The following ARHGAP10 variants were observed in gnomAD, a reference collection of about 807,000 sequenced individuals.
The protein encoded by ARHGAP10 is rho GTPase-activating protein 10.
A neutral mutation model predicts 108.6 loss-of-function variants in ARHGAP10; 87 were observed. That is an observed-to-expected ratio of 0.80 (90% CI 0.67 to 0.96). The LOEUF (loss-of-function observed/expected upper bound fraction) is 0.96, where lower values mean the gene tolerates loss of function less well. ARHGAP10 is among the 40% of genes least tolerant of loss of function. The pLI is 0.00. For synonymous variants in ARHGAP10, 347 were observed against 341.1 expected (o/e 1.02, Z -0.19); for missense variants, 939 against 954.5 (o/e 0.98, Z 0.21).
intron 1 of ARHGAP10, among the ~76,000 whole-genome samples, chr4:147,790,084 C>T (rs1262585287): frequency 6.8e-6 from 1 of 147,772 alleles, no homozygotes; most frequent in African/African-American, 2.5e-5. Flanking sequence ...CAACAACAGA[C>T]ATTTAGTTCT....
At chr4:148,002,018 T>A (rs1740743035) in intron 18 of ARHGAP10, among the ~76,000 whole-genome samples, 2 of 152,190 alleles carry the variant, frequency 1.3e-5, no homozygotes, top group Admixed American at 6.5e-5. Context: ...GCTTCCAGTT[T>A]TTGCCCATTC....
chr4:147,766,776 A>G (rs1327261239), intron 1 of ARHGAP10, among the ~76,000 whole-genome samples: 5 of 141,126 alleles, frequency 3.5e-5, no homozygotes, highest in Admixed American at 2.1e-4. Flanking sequence ...TTTTGAGCTC[A>G]TATATATTCA....
intron 19 of ARHGAP10, among the ~76,000 whole-genome samples, chr4:148,027,689 T>C (rs1249533353): frequency 6.6e-6 from 1 of 152,096 alleles, no homozygotes; most frequent in Non-Finnish European, 1.5e-5. Flanking sequence ...AATTAGAACT[T>C]TGAATAATTA....
chr4:147,815,168 C>A (rs781303639), intron 1 of ARHGAP10, among the ~76,000 whole-genome samples: 1 of 152,166 alleles, frequency 6.6e-6, no homozygotes, highest in Non-Finnish European at 1.5e-5. Context: ...ACCCTGCTGC[C>A]GCCCTTGTCC....
At chr4:147,927,865 C>T (rs1019073578) in intron 13 of ARHGAP10, among the ~76,000 whole-genome samples, 7 of 152,192 alleles carry the variant, frequency 4.6e-5, no homozygotes, top group Non-Finnish European at 8.8e-5. Context: ...GTATTAGATA[C>T]TGGGATCGGG....
At chr4:147,822,353 TA>T (rs1334959853) in intron 1 of ARHGAP10, among the ~76,000 whole-genome samples, 4 of 152,224 alleles carry the variant, frequency 2.6e-5, no homozygotes, top group African/African-American at 9.6e-5. Context: ...ATCAAGCCAC[TA>T]TCAGGTGTGT....
chr4:147,982,365 C>CT (rs70958599), intron 18 of ARHGAP10, among the ~76,000 whole-genome samples: 8,799 of 124,590 alleles, frequency 0.071, 981 homozygotes, highest in African/African-American at 0.24. Flanking sequence ...TTCTTTCTTT[C>CT]TTTTTTTTTT....
At chr4:147,836,661 C>A (rs1364715756) in intron 3 of ARHGAP10, among the ~76,000 whole-genome samples, 2 of 151,998 alleles carry the variant, frequency 1.3e-5, no homozygotes, top group South Asian at 4.1e-4. Flanking sequence ...AATCTAAGTA[C>A]CAAGTAAGCT....
chr4:148,045,029 G>A (rs773032511), intron 19 of ARHGAP10, among the ~76,000 whole-genome samples: 13 of 152,090 alleles, frequency 8.5e-5, no homozygotes, highest in South Asian at 2.1e-4. Flanking sequence ...GTGGAGATAC[G>A]GTTCATCTCT....
At chr4:147,903,549 A>T (rs1048863518) in intron 10 of ARHGAP10, among the ~76,000 whole-genome samples, 2 of 152,198 alleles carry the variant, frequency 1.3e-5, no homozygotes, top group Non-Finnish European at 2.9e-5. Context: ...TACTGAATGT[A>T]TCCATCATTC....
intron 13 of ARHGAP10, among the ~76,000 whole-genome samples, chr4:147,926,346 G>A (rs1299122064): frequency 6.6e-6 from 1 of 152,140 alleles, no homozygotes; most frequent in Non-Finnish European, 1.5e-5. Flanking sequence ...TAGAATATTT[G>A]CAGTGGAAAG....
At chr4:147,891,921 G>A (rs958123835) in intron 10 of ARHGAP10, among the ~76,000 whole-genome samples, 65 of 151,784 alleles carry the variant, frequency 4.3e-4, no homozygotes, top group African/African-American at 1.5e-3. Context: ...TGTTAGCTTC[G>A]CTGGCATGCT....
At chr4:147,852,829 G>A (rs556624761) in intron 4 of ARHGAP10, among the ~76,000 whole-genome samples, 213 of 148,856 alleles carry the variant, frequency 1.4e-3, no homozygotes, top group Admixed American at 2.1e-3. Context: ...AGTGATTCTC[G>A]TGCCTCAGCC....
intron 3 of ARHGAP10, among the ~76,000 whole-genome samples, chr4:147,829,023 C>T (rs1732837142): frequency 6.6e-6 from 1 of 150,836 alleles, no homozygotes; most frequent in Non-Finnish European, 1.5e-5. Flanking sequence ...GGATTACAGG[C>T]ACCTGCCACC....
chr4:147,829,796 G>A (rs1255523085), intron 3 of ARHGAP10, among the ~76,000 whole-genome samples: 6 of 152,278 alleles, frequency 3.9e-5, no homozygotes, highest in Non-Finnish European at 8.8e-5. Context: ...TTCATATTGC[G>A]TTTACTTCTC....
At chr4:148,012,605 C>T (rs1264040426) in intron 18 of ARHGAP10, among the ~76,000 whole-genome samples, 2 of 152,166 alleles carry the variant, frequency 1.3e-5, no homozygotes, top group Non-Finnish European at 2.9e-5. Flanking sequence ...TAAGATCTAC[C>T]TGTGTCCTAA....
rs775608335 is a variant in ARHGAP10 at position 148,047,019 on chromosome 4, T to C, written c.1995T>C (p.Asp665=). Residue 665 remains aspartate, a synonymous_variant, in exon 20 of 23, where the codon GAT becomes GAC. Coordinates refer to ENST00000336498, the MANE Select transcript of ARHGAP10 (RefSeq NM_024605.4). ...PGPDKNHLLA[D]GGSFGDWAST... ...CAGACAAAAACCACCTTCTGGCAGA[T>C]GGAGGGAGCTTTGGAGACTGGGCAT... 23 of 1,614,012 alleles carry C rather than the reference T, an allele frequency of 1.4e-5. No individual in the cohort carries two copies. The highest frequency in any genetic ancestry group is 8.5e-7 in the Non-Finnish European group (1 of 1,180,016).
rs1178256407 is a variant in ARHGAP10, at chr4:147,798,724, ACTCTCTCTCTCTCTCTCTCTCTCTCTCT to A, written c.155-23972_155-23945del. 7.8e-3 allele frequency among the ~76,000 whole-genome samples: 665 copies of A among 85,684 alleles called. 7 individuals carry two copies. The highest frequency in any genetic ancestry group is 0.01 in the South Asian group (23 of 2,266). The allele number at this position is 85,684 out of a possible 152,430, so 56.2% of individuals were successfully genotyped here. A position where few individuals can be genotyped will look rare whatever the true frequency, so the allele number is the denominator to read the frequency against. On this transcript the variant is annotated intron_variant, in intron 1 of 22. Transcript: ENST00000336498. ...TTACGTGAGGTCAGGAGTTTGAGACACTCTCTCTCTCTCTCTCTCTCTCTCTCTCTCTCTCTCTCTCTCTCTCTCTCTC... is the reference window on the plus strand; with the variant it reads ...TTACGTGAGGTCAGGAGTTTGAGACACTCTCTCTCTCTCTCTCTCTCTCTC...
intron 1 of ARHGAP10, among the ~76,000 whole-genome samples, chr4:147,801,843 A>G (rs1412287858): frequency 6.6e-6 from 1 of 152,196 alleles, no homozygotes; most frequent in Non-Finnish European, 1.5e-5. Context: ...AGATGGAGAA[A>G]TGGAGAAACC....
Sources: gnomAD v4.1 joint callset for allele counts (sites outside exome capture counted in the v4.1 genomes callset) on GRCh38, gnomAD v4.1.1 for gene constraint, MANE v1.5 for transcripts, NCBI Gene and HGNC (gene_info 2026-07-23, HGNC 2026-07-21) for gene names.